The following EMILIN2 variants were observed in gnomAD, a reference collection of about 807,000 sequenced individuals.
EMILIN2 encodes the protein EMILIN-2.
In EMILIN2, 71 loss-of-function variants were observed where a neutral mutation model predicts 87.1. That is an observed-to-expected ratio of 0.82 (90% confidence interval 0.67 to 0.99). The LOEUF (loss-of-function observed/expected upper bound fraction) is 0.99, where lower values mean the gene tolerates loss of function less well. Ranked by LOEUF, EMILIN2 falls within the 50% of genes least tolerant of loss-of-function variation. The probability of loss-of-function intolerance (pLI) is 0.00; values close to 1 mark genes in which losing one functional copy is unlikely to be tolerated. For synonymous variants in EMILIN2, 581 were observed against 563.4 expected (o/e 1.03, Z -0.44); for missense variants, 1,407 against 1,371.8 (o/e 1.03, Z -0.40).
chr18:2,860,657 C>T (rs1291932916), intron 2 of EMILIN2, among the ~76,000 whole-genome samples: 3 of 152,112 alleles, frequency 2.0e-5, no homozygotes, highest in South Asian at 4.1e-4. Flanking sequence ...TTTGGCTTGG[C>T]TACAAGTCTT....
chr18:2,866,649 C>A (rs2143981001), intron 2 of EMILIN2, among the ~76,000 whole-genome samples: 1 of 152,314 alleles, frequency 6.6e-6, no homozygotes, highest in Middle Eastern at 3.4e-3. Context: ...CAAACAGTGA[C>A]AGTTTGACTT....
At chr18:2,852,391 G>A (rs992222117) in intron 2 of EMILIN2, among the ~76,000 whole-genome samples, 20 of 152,184 alleles carry the variant, frequency 1.3e-4, no homozygotes, top group Non-Finnish European at 2.2e-4. Context: ...GTATGTTCCC[G>A]AGCTCAGCTG....
chr18:2,899,515 A>AT (rs940672949), intron 4 of EMILIN2, among the ~76,000 whole-genome samples: 18 of 151,864 alleles, frequency 1.2e-4, no homozygotes, highest in South Asian at 4.2e-4. Flanking sequence ...TTGCTATTTT[A>AT]TTTTTTTTCA....
chr18:2,913,040 G>A (rs1598509022), intron 7 of EMILIN2, 27 bp from the exon 8 acceptor site: 1 of 1,602,784 alleles, frequency 6.2e-7, no homozygotes, highest in East Asian at 2.2e-5. Flanking sequence ...CAGCAGGTGA[G>A]CACAGGGTTT....
chr18:2,858,448 A>G lies in EMILIN2; in HGVS notation c.257+10517A>G, dbSNP rs536896358. On this transcript the variant is annotated intron_variant, in intron 2 of 7. Transcript: ENST00000254528. ...CTCCTGAGTTACTTCATTTAGAATA[A>G]TAGTCTCCAATTCCATCCAGGTTGC... is the stretch of plus-strand genomic sequence containing the variant. 2.9e-4 allele frequency among the ~76,000 whole-genome samples: 42 copies of G among 145,726 alleles called. No homozygotes were observed. The East Asian group carries it at 6.9e-3, about 24-fold the overall frequency.
At position 2,907,175 on chromosome 18, in the gene EMILIN2, G is replaced by A. The variant is rs1223407908; in HGVS notation, c.2662+90G>A. 3.3e-6 allele frequency: 4 copies of A among 1,200,418 alleles called. No homozygotes were observed. The East Asian group carries it at 9.8e-5, about 29-fold the overall frequency. 74.4% of individuals were successfully genotyped at this position (1,200,418 alleles called of 1,614,324 possible). ...GGTCTGCTGAGGGGCGTGGCGGTTCGGGGTCCAGCCTTCGGGGGGGCAAGT... is the reference window on the plus strand; with the variant it reads ...GGTCTGCTGAGGGGCGTGGCGGTTCAGGGTCCAGCCTTCGGGGGGGCAAGT... On this transcript the variant is annotated intron_variant, in intron 5 of 7. Coordinates refer to ENST00000254528, the MANE Select transcript of EMILIN2 (RefSeq NM_032048.3).
intron 2 of EMILIN2, among the ~76,000 whole-genome samples, chr18:2,871,150 G>T (rs1050058569): frequency 8.5e-5 from 13 of 152,182 alleles, no homozygotes; most frequent in African/African-American, 2.9e-4. Flanking sequence ...ACACAATTCA[G>T]TCCAGAACAC....
Position 2,880,777 on chromosome 18 carries a change from C to T in EMILIN2, c.258-4187C>T, listed in dbSNP as rs756998292. On this transcript the variant is annotated intron_variant, in intron 2 of 7. Transcript: ENST00000254528. This position sits in a 1 kb window ranked among gnomAD's most constrained non-coding sequence, Gnocchi z 4.1. Reference sequence around the variant, plus strand: ...TGGGCCGCCTGTCTCTGTTTCATGTCCCCTGCCTGGTCCTCTTAGGAGGGT... The same window carrying T: ...TGGGCCGCCTGTCTCTGTTTCATGTTCCCTGCCTGGTCCTCTTAGGAGGGT... Among the ~76,000 whole-genome samples the T allele has an allele frequency of 6.6e-6, 1 of 152,176 alleles. No homozygotes were observed. Among genetic ancestry groups the T allele is most frequent in the Non-Finnish European group, 1.5e-5 (1 of 68,028 alleles).
intron 2 of EMILIN2, among the ~76,000 whole-genome samples, chr18:2,853,121 A>T (rs1365740586): frequency 6.6e-6 from 1 of 152,194 alleles, no homozygotes. Flanking sequence ...CATGCTAGGC[A>T]TTTACCATTC....
At chr18:2,865,496 G>A (rs1392322422) in intron 2 of EMILIN2, among the ~76,000 whole-genome samples, 1 of 152,212 alleles carries the variant, frequency 6.6e-6, no homozygotes, top group Non-Finnish European at 1.5e-5. Context: ...GTTTGCCTGG[G>A]TATCAGCAGC....
At chr18:2,902,435 G>A (rs963937982) in intron 4 of EMILIN2, among the ~76,000 whole-genome samples, 9 of 152,186 alleles carry the variant, frequency 5.9e-5, no homozygotes, top group African/African-American at 2.2e-4. Context: ...AGGCAGGACT[G>A]TTCAAGCCTG....
At position 2,863,514 on chromosome 18, in the gene EMILIN2, A is replaced by G. The variant is rs146578333; in HGVS notation, c.257+15583A>G. On this transcript the variant is annotated intron_variant, in intron 2 of 7. Coordinates refer to ENST00000254528, the MANE Select transcript of EMILIN2 (RefSeq NM_032048.3). ...TTCAGGAGCAGGTTTTTCAGTTTCC[A>G]TGTAGTTGAGCTGTTTTGAGTGAGT... Among the ~76,000 whole-genome samples, 333 of 151,788 alleles carry G rather than the reference A, an allele frequency of 2.2e-3. 3 individuals carry two copies. Among genetic ancestry groups the G allele is most frequent in the African/African-American group, 7.7e-3 (320 of 41,512 alleles).
chr18:2,876,612 A>C (rs1399365672), intron 2 of EMILIN2, among the ~76,000 whole-genome samples: 1 of 135,758 alleles, frequency 7.4e-6, no homozygotes, highest in East Asian at 2.3e-4. Context: ...TAAAAATACA[A>C]AAAATTAGCC....
At chr18:2,856,664 C>T (rs72868199) in intron 2 of EMILIN2, among the ~76,000 whole-genome samples, 1 of 152,212 alleles carries the variant, frequency 6.6e-6, no homozygotes, top group Admixed American at 6.5e-5. Context: ...TGGTGAGGTT[C>T]CTTCTAGTCT....
intron 2 of EMILIN2, among the ~76,000 whole-genome samples, chr18:2,866,492 T>C (rs8086883): frequency 0.076 from 11,591 of 152,300 alleles, 1,521 homozygotes; most frequent in African/African-American, 0.26. Context: ...TTGGTCACTT[T>C]TGGTGTATAC....
intron 4 of EMILIN2, 84 bp from the exon 5 acceptor site, chr18:2,906,699 G>A: frequency 4.6e-6 from 5 of 1,089,702 alleles, no homozygotes; most frequent in Non-Finnish European, 5.8e-6. Context: ...CCGCTCGCCG[G>A]GACTCATGGA....
intron 2 of EMILIN2, among the ~76,000 whole-genome samples, chr18:2,870,287 C>T (rs1281723228): frequency 6.6e-6 from 1 of 152,174 alleles, no homozygotes; most frequent in African/African-American, 2.4e-5. Flanking sequence ...AAACATTTCA[C>T]ATTTATAGCC....
intron 2 of EMILIN2, among the ~76,000 whole-genome samples, chr18:2,868,447 C>T (rs936753653): frequency 2.0e-5 from 3 of 152,214 alleles, no homozygotes; most frequent in African/African-American, 4.8e-5. Context: ...CCAAGGCAGG[C>T]GGCTGGGAGG....
chr18:2,856,609 T>C (rs141051430), intron 2 of EMILIN2, among the ~76,000 whole-genome samples: 60 of 152,338 alleles, frequency 3.9e-4, no homozygotes, highest in Middle Eastern at 3.4e-3. Context: ...TACACAGAAC[T>C]TTACATCCTG....
Sources: gnomAD v4.1 joint callset for allele counts (sites outside exome capture counted in the v4.1 genomes callset) on GRCh38, gnomAD v4.1.1 for gene constraint, Gnocchi (gnomAD v3.1) non-coding constraint, MANE v1.5 for transcripts, NCBI Gene and HGNC (gene_info 2026-07-23, HGNC 2026-07-21) for gene names.